Variants in CD86 observed in about 807,000 individuals in gnomAD.
CD86 encodes CD86 molecule, also known as T-lymphocyte activation antigen CD86.
In CD86, 11 loss-of-function variants were observed where a neutral mutation model predicts 32.1. That is an observed-to-expected ratio of 0.34 (90% CI 0.22 to 0.57). CD86 has a LOEUF of 0.57. CD86 is among the 20% of genes least tolerant of loss of function. The pLI, the probability that CD86 is intolerant of heterozygous loss-of-function variation, is 0.86. For synonymous variants in CD86, 137 were observed against 135.3 expected, an observed-to-expected ratio of 1.01 and a Z score of -0.09; for missense variants, 359 against 398.4, an observed-to-expected ratio of 0.90 and a Z score of 0.84.
chr3:122,095,267 G>A (rs901992121), intron 2 of CD86, among the ~76,000 whole-genome samples: 7 of 151,114 alleles, frequency 4.6e-5, no homozygotes, highest in African/African-American at 1.2e-4. Context: ...CGCCTCCCAG[G>A]TTCAAGTGAT....
At chr3:122,080,624 C>T (rs1255633891) in intron 1 of CD86, among the ~76,000 whole-genome samples, 8 of 152,194 alleles carry the variant, frequency 5.3e-5, no homozygotes, top group Admixed American at 6.5e-5. Context: ...TGTATGGAAA[C>T]ACTGTGCTCT....
At chr3:122,093,864 G>A (rs920638515) in intron 2 of CD86, among the ~76,000 whole-genome samples, 7 of 152,162 alleles carry the variant, frequency 4.6e-5, no homozygotes, top group Admixed American at 2.0e-4. Context: ...ACCCAAGATC[G>A]ACAGAGCTAC....
intron 1 of CD86, among the ~76,000 whole-genome samples, chr3:122,074,858 C>A (rs1471520997): frequency 6.6e-6 from 1 of 152,150 alleles, no homozygotes; most frequent in Non-Finnish European, 1.5e-5. Context: ...ACACAGAAAG[C>A]AGTTTCTGAA....
chr3:122,104,303 T>C (rs2073057115), intron 3 of CD86, among the ~76,000 whole-genome samples: 1 of 152,152 alleles, frequency 6.6e-6, no homozygotes, highest in Non-Finnish European at 1.5e-5. Context: ...GGGTTTTCCC[T>C]TCAGCCTCCT....
Position 122,103,845 on chromosome 3 carries a change from T to C in CD86, c.398T>C (p.Leu133Pro). ...CAGATGAATTCTGAACTGTCAGTGC[T>C]TGGTATGTGGTCAATGGTGTGTGTT... Reference protein sequence around the residue: ...IHQMNSELSVLANFSQPEIVP... With the variant: ...IHQMNSELSVPANFSQPEIVP... Residue 133 changes from leucine to proline, a missense_variant and splice_region_variant, in exon 3 of 7, where the codon CTT becomes CCT. Transcript: ENST00000330540. 6.2e-7 allele frequency: 1 copy of C among 1,611,224 alleles called. No individual in the cohort carries two copies. The highest frequency in any genetic ancestry group is 8.5e-7 in the Non-Finnish European group (1 of 1,177,814).
At chr3:122,077,710 C>T in intron 1 of CD86, 1 of 967,166 alleles carries the variant, frequency 1.0e-6, no homozygotes, top group Non-Finnish European at 1.2e-6. Flanking sequence ...TTGGGGGTTT[C>T]CCAGGGCTTT....
chr3:122,079,825 G>A (rs142772665), intron 1 of CD86, among the ~76,000 whole-genome samples: 191 of 152,242 alleles, frequency 1.3e-3, no homozygotes, highest in African/African-American at 3.8e-3. Context: ...GAAGCATCTC[G>A]TTCCCTATCG....
In CD86 at chr3:122,086,735, CCTT is replaced by C. The variant is rs1257107600; in HGVS notation, c.15-4860_15-4858del. 2.5e-4 allele frequency: 98 copies of C among 397,686 alleles called. 2 individuals are homozygous for C. The highest frequency in any genetic ancestry group is 1.8e-3 in the South Asian group (94 of 53,392). 24.6% of individuals were successfully genotyped at this position (397,686 alleles called of 1,614,324 possible). ...TGATGCAAAGGGATACTTTGGGGCC[CCTT>C]CTTCTCCCACCCCAGTCTGTCTCTC... On this transcript the variant is annotated intron_variant, in intron 1 of 6. Transcript: ENST00000330540.
At chr3:122,083,311 G>A (rs895411569) in intron 1 of CD86, among the ~76,000 whole-genome samples, 6 of 152,128 alleles carry the variant, frequency 3.9e-5, no homozygotes, top group Admixed American at 1.3e-4. Context: ...AATAACACAC[G>A]TGTGATCTGG....
chr3:122,103,553 G>A lies in CD86; in HGVS notation c.106G>A (p.Ala36Thr), dbSNP rs747238810. ...GATTCAAGCTTATTTCAATGAGACTGCAGACCTGCCATGCCAATTTGCAAA... is the reference window on the plus strand; with the variant it reads ...GATTCAAGCTTATTTCAATGAGACTACAGACCTGCCATGCCAATTTGCAAA... ...LKIQAYFNETADLPCQFANSQ... is the reference protein window; with the variant it reads ...LKIQAYFNETTDLPCQFANSQ... Residue 36 changes from alanine to threonine, a missense_variant, in exon 3 of 7, where the codon GCA becomes ACA. By Grantham distance (58) the Ala-to-Thr change is moderately conservative (BLOSUM62 0). Coordinates refer to ENST00000330540, the MANE Select transcript of CD86 (RefSeq NM_175862.5). The A allele has an allele frequency of 1.2e-6, 2 of 1,613,704 alleles. No individual in the cohort carries two copies. The highest frequency in any genetic ancestry group is 1.3e-5 in the African/African-American group (1 of 74,998).
intron 1 of CD86, among the ~76,000 whole-genome samples, chr3:122,061,373 A>G (rs1390867510): frequency 1.3e-5 from 2 of 152,240 alleles, no homozygotes; most frequent in Non-Finnish European, 2.9e-5. Context: ...CAATTATGAA[A>G]TGACAAAAAC....
chr3:122,063,636 T>C (rs994981894), intron 1 of CD86, among the ~76,000 whole-genome samples: 2 of 151,306 alleles, frequency 1.3e-5, no homozygotes, highest in African/African-American at 2.4e-5. Flanking sequence ...ACTCACGTTG[T>C]CACCTAGGCT....
rs1407348725 is a variant in CD86, at chr3:122,120,407, G to C, written c.*873G>C. ...TCACAATACTCAAAAGAGAGAGAGA[G>C]AGAAAAAAGAGAGATCTTGATCCAC... On this transcript the variant is annotated 3_prime_UTR_variant, in exon 7 of 7. Transcript: ENST00000330540. 1.3e-5 allele frequency: 2 copies of C among 152,172 alleles called. No homozygotes were observed. The highest frequency in any genetic ancestry group is 2.9e-5 in the Non-Finnish European group (2 of 68,066). 9.4% of individuals were successfully genotyped at this position (152,172 alleles called of 1,614,324 possible).
intron 1 of CD86, among the ~76,000 whole-genome samples, chr3:122,069,421 T>G (rs16832682): frequency 0.019 from 2,905 of 152,294 alleles, 102 homozygotes; most frequent in African/African-American, 0.065. Context: ...CATATTTGTG[T>G]GTTGCTAGAG....
In CD86 at chr3:122,099,179, A is replaced by T. The variant is rs546600243; in HGVS notation, c.65-4333A>T. Among the ~76,000 whole-genome samples, 8 of 152,332 alleles carry T rather than the reference A, an allele frequency of 5.3e-5. No individual in the cohort carries two copies. In the South Asian group the frequency reaches 1.7e-3, roughly 32 times the overall value. Reference sequence around the variant, plus strand: ...GTGATTTGAGAAAATTAACAAGGAAATCAGAGATTGGGAAAGAATAGAGCA... The same window carrying T: ...GTGATTTGAGAAAATTAACAAGGAATTCAGAGATTGGGAAAGAATAGAGCA... On this transcript the variant is annotated intron_variant, in intron 2 of 6. Transcript: ENST00000330540.
chr3:122,112,610 T>C (rs2073192432), intron 5 of CD86, among the ~76,000 whole-genome samples: 1 of 152,256 alleles, frequency 6.6e-6, no homozygotes, highest in Non-Finnish European at 1.5e-5. Flanking sequence ...GACTGAAAGT[T>C]AGTGATATCA....
In CD86 at chr3:122,119,902, C is replaced by T; in HGVS notation, c.*368C>T. ...AGACCTCTCAATTTCTGGAAAACTG[C>T]CTTTTATCTGCCCAGAATTCTAAGC... is the stretch of plus-strand genomic sequence containing the variant. On this transcript the variant is annotated 3_prime_UTR_variant, in exon 7 of 7. Transcript: ENST00000330540. 5.8e-6 allele frequency: 1 copy of T among 172,164 alleles called. No homozygotes were observed. The highest frequency in any genetic ancestry group is 1.2e-5 in the Non-Finnish European group (1 of 83,546). 10.7% of individuals were successfully genotyped at this position (172,164 alleles called of 1,614,324 possible).
At chr3:122,063,948 T>C (rs2072376323) in intron 1 of CD86, among the ~76,000 whole-genome samples, 1 of 152,214 alleles carries the variant, frequency 6.6e-6, no homozygotes, top group South Asian at 2.1e-4. Flanking sequence ...GCATAAATAT[T>C]GGTTTACAAA....
intron 5 of CD86, among the ~76,000 whole-genome samples, chr3:122,113,651 C>A (rs1027087818): frequency 5.9e-5 from 9 of 151,984 alleles, no homozygotes; most frequent in Non-Finnish European, 1.3e-4. Flanking sequence ...TGTATATTTT[C>A]TTTTCAGAAT....
Sources: allele counts gnomAD v4.1 joint callset (sites outside exome capture counted in the v4.1 genomes callset), GRCh38; gene constraint gnomAD v4.1.1; transcripts MANE v1.5; gene names NCBI Gene and HGNC (gene_info 2026-07-23, HGNC 2026-07-21).